The following MAPKAPK5 variants were observed in gnomAD, a reference collection of about 807,000 sequenced individuals.
MAPKAPK5 encodes MAPK activated protein kinase 5.
A neutral mutation model predicts 65.1 loss-of-function variants in MAPKAPK5; 30 were observed. That is an observed-to-expected ratio of 0.46 (90% CI 0.34 to 0.63). MAPKAPK5 has a LOEUF of 0.63. Ranked by LOEUF, MAPKAPK5 falls within the 20% of genes least tolerant of loss-of-function variation. MAPKAPK5 has a pLI of 0.01. For synonymous variants in MAPKAPK5, 179 were observed against 204.6 expected, an observed-to-expected ratio of 0.87 and a Z score of 1.07; for missense variants, 433 against 581.4, an observed-to-expected ratio of 0.74 and a Z score of 2.63.
At chr12:111,863,645 C>T (rs975111344) in intron 1 of MAPKAPK5, among the ~76,000 whole-genome samples, 5 of 139,304 alleles carry the variant, frequency 3.6e-5, no homozygotes, top group East Asian at 2.2e-4. Context: ...TTGCTCTTGT[C>T]GCCCATGCTG....
At chr12:111,888,831 G>C (rs577780294) in intron 11 of MAPKAPK5, 54 bp from the exon 12 acceptor site, 2 of 1,601,486 alleles carry the variant, frequency 1.2e-6, no homozygotes, top group East Asian at 4.5e-5. Flanking sequence ...TATCTGTCCA[G>C]AGTTGGTTTT....
chr12:111,860,667 G>A (rs2069408698), intron 1 of MAPKAPK5, among the ~76,000 whole-genome samples: 1 of 152,188 alleles, frequency 6.6e-6, no homozygotes, highest in Admixed American at 6.5e-5. Flanking sequence ...TAGAAGGATG[G>A]CAGGATCCTA....
At chr12:111,869,055 G>A (rs2069697876) in intron 5 of MAPKAPK5, among the ~76,000 whole-genome samples, 194 bp downstream of exon 5, 1 of 152,134 alleles carries the variant, frequency 6.6e-6, no homozygotes, top group African/African-American at 2.4e-5. Context: ...GGGGTACTGT[G>A]TTCTTAATTG....
chr12:111,869,853 C>T (rs968945699), intron 5 of MAPKAPK5, among the ~76,000 whole-genome samples: 1 of 152,138 alleles, frequency 6.6e-6, no homozygotes, highest in Non-Finnish European at 1.5e-5. Context: ...ATTTCTTGAC[C>T]CTCAGCTCCC....
At chr12:111,865,010 G>A (rs2069555913) in intron 1 of MAPKAPK5, among the ~76,000 whole-genome samples, 1 of 152,214 alleles carries the variant, frequency 6.6e-6, no homozygotes, top group Non-Finnish European at 1.5e-5. Flanking sequence ...TAGATGAGCT[G>A]AATAATTTCC....
Position 111,865,790 on chromosome 12 carries a change from C to G in MAPKAPK5, c.111-366C>G, listed in dbSNP as rs567340422. Among the ~76,000 whole-genome samples the G allele has an allele frequency of 2.9e-5, 4 of 137,010 alleles. No individual in the cohort carries two copies. The East Asian group carries it at 8.6e-4, about 29-fold the overall frequency. The allele number at this position is 137,010 out of a possible 152,430, so 89.9% of individuals were successfully genotyped here. Reference sequence around the variant, plus strand: ...GGCAGAGATTGCAGTGAGCTGAGATCATGCCACTGCACTCCAGCCTGGCCA... The same window carrying G: ...GGCAGAGATTGCAGTGAGCTGAGATGATGCCACTGCACTCCAGCCTGGCCA... On this transcript the variant is annotated intron_variant, in intron 2 of 13. Coordinates refer to ENST00000550735, the MANE Select transcript of MAPKAPK5 (RefSeq NM_003668.4).
rs80319832 is a variant in MAPKAPK5 at position 111,888,519 on chromosome 12, C to G, written c.1001C>G (p.Ala334Gly). The change falls in exon 11 of 14, where the codon GCG becomes GGG. Residue 334 changes from alanine to glycine, a missense_variant. By Grantham distance (60) the Ala-to-Gly change is moderately conservative (BLOSUM62 0). Coordinates refer to ENST00000550735, the MANE Select transcript of MAPKAPK5 (RefSeq NM_003668.4). Reference sequence around the variant, plus strand: ...GTTGCAGGAATCCAGCAGGCTCACGCGGAACAGTTGGCCAACATGAGAATC... The same window carrying G: ...GTTGCAGGAATCCAGCAGGCTCACGGGGAACAGTTGGCCAACATGAGAATC... ...AVVAGIQQAH[A>G]EQLANMRIQD... 1.2e-6 allele frequency: 2 copies of G among 1,613,964 alleles called. No individual in the cohort carries two copies. The highest frequency in any genetic ancestry group is 1.7e-6 in the Non-Finnish European group (2 of 1,179,868).
Position 111,870,360 on chromosome 12 carries a change from G to A in MAPKAPK5, c.483G>A (p.Leu161=). ...ATCTGCTTTTTAAGGATAACTCTTTGGTGAGAAGACTGTTTTTCTGCATTT... is the reference window on the plus strand; with the variant it reads ...ATCTGCTTTTTAAGGATAACTCTTTAGTGAGAAGACTGTTTTTCTGCATTT... The part of the protein sequence containing the change: ...PENLLFKDNS[L]DAPVKLCDFG... Residue 161 remains leucine, a splice_region_variant and synonymous_variant, in exon 6 of 14, where the codon TTG becomes TTA. Coordinates refer to ENST00000550735, the MANE Select transcript of MAPKAPK5 (RefSeq NM_003668.4). The A allele has an allele frequency of 6.2e-7, 1 of 1,605,776 alleles. No homozygotes were observed. Among genetic ancestry groups the A allele is most frequent in the Non-Finnish European group, 8.5e-7 (1 of 1,173,472 alleles).
intron 1 of MAPKAPK5, among the ~76,000 whole-genome samples, chr12:111,852,843 G>T (rs1287797856): frequency 6.6e-6 from 1 of 151,942 alleles, no homozygotes; most frequent in Non-Finnish European, 1.5e-5. Flanking sequence ...GTGCAATCTC[G>T]GCTGACGGCA....
At position 111,895,868 on chromosome 12, in the gene MAPKAPK5, A is replaced by T. The variant is rs2070792014; in HGVS notation, c.*2807A>T. 1 of 152,204 alleles carries T rather than the reference A, an allele frequency of 6.6e-6. No homozygotes were observed. Among genetic ancestry groups the T allele is most frequent in the Admixed American group, 6.5e-5 (1 of 15,274 alleles). The allele number at this position is 152,204 out of a possible 1,614,324, so 9.4% of individuals were successfully genotyped here. A position where few individuals can be genotyped will look rare whatever the true frequency, so the allele number is the denominator to read the frequency against. ...GATGGCAAAATCTCACCGGCAACAG[A>T]AGAAAAACCAATGTTTTTAAATTTA... On this transcript the variant is annotated 3_prime_UTR_variant, in exon 14 of 14. Coordinates refer to ENST00000550735, the MANE Select transcript of MAPKAPK5 (RefSeq NM_003668.4).
At position 111,900,903 on chromosome 12, in the gene MAPKAPK5, G is replaced by A. The variant is rs901760677; in HGVS notation, c.*7842G>A. On this transcript the variant is annotated 3_prime_UTR_variant, in exon 14 of 14. Transcript: ENST00000550735. Reference sequence around the variant, plus strand: ...TCAGTGCTTACAATTATATGGATATGGTGCAAAATCAGCCTCACAAGAGTG... The same window carrying A: ...TCAGTGCTTACAATTATATGGATATAGTGCAAAATCAGCCTCACAAGAGTG... The A allele has an allele frequency of 1.5e-5, 7 of 455,162 alleles. No individual in the cohort carries two copies. The highest frequency in any genetic ancestry group is 1.0e-4 in the African/African-American group (5 of 49,600). The allele number at this position is 455,162 out of a possible 1,614,324, so 28.2% of individuals were successfully genotyped here. A position where few individuals can be genotyped will look rare whatever the true frequency, so the allele number is the denominator to read the frequency against.
intron 1 of MAPKAPK5, chr12:111,843,368 A>G (rs970705585): frequency 5.0e-6 from 2 of 398,298 alleles, no homozygotes; most frequent in Non-Finnish European, 8.8e-6. Flanking sequence ...CACTTAAACC[A>G]AAAGAAAAGC....
At chr12:111,891,221 G>A (rs543863803) in intron 13 of MAPKAPK5, among the ~76,000 whole-genome samples, 1 of 150,106 alleles carries the variant, frequency 6.7e-6, no homozygotes, top group South Asian at 2.1e-4. Context: ...AGCCTCCCAA[G>A]GAACTGGGAC....
rs1850176336 is a variant in MAPKAPK5, at chr12:111,898,990, T to G, written c.*5929T>G. On this transcript the variant is annotated 3_prime_UTR_variant, in exon 14 of 14. Coordinates refer to ENST00000550735, the MANE Select transcript of MAPKAPK5 (RefSeq NM_003668.4). ...CTACAGGCCTTCTACTTGGAATATC[T>G]TCCCATGAAAGTAAAAGGAATATAA... The G allele has an allele frequency of 6.6e-6, 1 of 152,204 alleles. No individual in the cohort carries two copies. The highest frequency in any genetic ancestry group is 6.5e-5 in the Admixed American group (1 of 15,280). The allele number at this position is 152,204 out of a possible 1,614,324, so 9.4% of individuals were successfully genotyped here.
At position 111,900,218 on chromosome 12, in the gene MAPKAPK5, T is replaced by C. The variant is rs1331564526; in HGVS notation, c.*7157T>C. On this transcript the variant is annotated 3_prime_UTR_variant, in exon 14 of 14. Transcript: ENST00000550735. The stretch of plus-strand genomic sequence containing the variant: ...TGCTCTTCCATCGTGCAAAACACGA[T>C]GTTGCCCACATGATCGTTGGGCATC... 3 of 455,894 alleles carry C rather than the reference T, an allele frequency of 6.6e-6. No homozygotes were observed. Among genetic ancestry groups the C allele is most frequent in the East Asian group, 6.9e-5 (1 of 14,404 alleles). 28.2% of individuals were successfully genotyped at this position (455,894 alleles called of 1,614,324 possible).
intron 1 of MAPKAPK5, among the ~76,000 whole-genome samples, chr12:111,858,820 C>T (rs2069333482): frequency 6.8e-6 from 1 of 146,880 alleles, no homozygotes; most frequent in African/African-American, 2.5e-5. Flanking sequence ...GGATTACAGG[C>T]GTGAGCCACC....
intron 7 of MAPKAPK5, among the ~76,000 whole-genome samples, chr12:111,877,417 C>T (rs2070028470): frequency 6.6e-6 from 1 of 152,000 alleles, no homozygotes. Context: ...GCATTTTCAC[C>T]TGCATTTGGT....
Position 111,870,263 on chromosome 12 carries a change from T to G in MAPKAPK5, c.394-8T>G. ...AAGAAGCGACTGTTTCATTGTGTCT[T>G]TTTTCAGATAGCTTTGGCTCTGCGG... On this transcript the variant is annotated splice_polypyrimidine_tract_variant and splice_region_variant and intron_variant, in intron 5 of 13. Coordinates refer to ENST00000550735, the MANE Select transcript of MAPKAPK5 (RefSeq NM_003668.4). The G allele has an allele frequency of 2.5e-6, 4 of 1,588,262 alleles. No homozygotes were observed. The highest frequency in any genetic ancestry group is 3.4e-6 in the Non-Finnish European group (4 of 1,159,506).
intron 7 of MAPKAPK5, among the ~76,000 whole-genome samples, chr12:111,874,923 C>T (rs945407188): frequency 5.3e-5 from 8 of 151,874 alleles, no homozygotes; most frequent in Admixed American, 3.3e-4. Context: ...TACAGGCGCC[C>T]GCCACCACGC....
Sources: allele counts gnomAD v4.1 joint callset (sites outside exome capture counted in the v4.1 genomes callset), GRCh38; gene constraint gnomAD v4.1.1; transcripts MANE v1.5; gene names NCBI Gene and HGNC (gene_info 2026-07-23, HGNC 2026-07-21).